TRHDE: variants seen among roughly 807,000 people sequenced by gnomAD.
TRHDE encodes the protein thyrotropin releasing hormone degrading enzyme, also known as thyrotropin-releasing hormone-degrading ectoenzyme.
Under a neutral mutation model 125.7 loss-of-function variants are expected in TRHDE, and 72 were observed. The ratio of observed to expected loss-of-function variants is 0.57; its 90% CI spans 0.47 to 0.70. The LOEUF (loss-of-function observed/expected upper bound fraction) is 0.70. Ranked by LOEUF, TRHDE falls within the 30% of genes least tolerant of loss-of-function variation. TRHDE has a pLI of 0.00. For missense variants in TRHDE, 1,110 were observed against 1,327.1 expected (o/e 0.84, Z 2.54); for synonymous variants, 509 against 509.1 (o/e 1.00, Z 0.00).
chr12:72,261,336 A>G (rs7135786), intron 2 of TRHDE, among the ~76,000 whole-genome samples: 68,288 of 152,070 alleles, frequency 0.45, 18,900 homozygotes, highest in African/African-American at 0.8. Context: ...GTAAATGAAC[A>G]TTATTCAGCT....
intron 6 of TRHDE, among the ~76,000 whole-genome samples, chr12:72,505,039 A>T (rs1592495953): frequency 6.6e-6 from 1 of 152,186 alleles, no homozygotes; most frequent in African/African-American, 2.4e-5. Context: ...TTATAAAGAA[A>T]TGTATTATAA....
chr12:72,570,417 C>G (rs1159010985), intron 10 of TRHDE, among the ~76,000 whole-genome samples: 1 of 151,778 alleles, frequency 6.6e-6, no homozygotes, highest in African/African-American at 2.4e-5. Flanking sequence ...TCCATCTCTA[C>G]TAAAAATACA....
intron 3 of TRHDE, among the ~76,000 whole-genome samples, chr12:72,444,236 A>G (rs1050173923): frequency 1.3e-5 from 2 of 151,842 alleles, no homozygotes; most frequent in Admixed American, 6.6e-5. Context: ...TTATAAATGT[A>G]GACTCTAGGA....
At chr12:72,486,726 A>G (rs1026773044) in intron 5 of TRHDE, among the ~76,000 whole-genome samples, 3 of 152,198 alleles carry the variant, frequency 2.0e-5, no homozygotes, top group Admixed American at 6.5e-5. Flanking sequence ...ATGCAAACAT[A>G]CATGCAGGGA....
intron 2 of TRHDE, among the ~76,000 whole-genome samples, chr12:72,212,627 C>T (rs1448348899): frequency 2.0e-5 from 3 of 152,032 alleles, no homozygotes; most frequent in Non-Finnish European, 4.4e-5. Flanking sequence ...AATTAAACTA[C>T]AATGAGATAC....
intron 2 of TRHDE, among the ~76,000 whole-genome samples, chr12:72,192,861 T>C (rs1270353454): frequency 6.6e-6 from 1 of 152,102 alleles, no homozygotes; most frequent in Admixed American, 6.6e-5. Context: ...TTGTAATTTT[T>C]ATTGGAGTAA....
chr12:72,593,653 T>C (rs549546504), intron 12 of TRHDE, among the ~76,000 whole-genome samples: 1 of 152,254 alleles, frequency 6.6e-6, no homozygotes, highest in African/African-American at 2.4e-5. Flanking sequence ...CTCCTAATGC[T>C]ATCCCTCCCC....
intron 14 of TRHDE, 141 bp downstream of exon 14, chr12:72,621,346 T>G: frequency 1.6e-6 from 1 of 642,266 alleles, no homozygotes; most frequent in Non-Finnish European, 2.7e-6. Flanking sequence ...AGAGGACTGC[T>G]GCTGGGTAGC....
Position 72,221,931 on chromosome 12 carries a change from G to T in TRHDE, n.279+116179G>T, listed in dbSNP as rs74103638. The stretch of plus-strand genomic sequence containing the variant: ...TGAAATGATGGTTTGGAGCAACTGG[G>T]TTCTGGACCAGCATCTCTCTGTGTA... On this transcript the variant is annotated intron_variant and non_coding_transcript_variant, in intron 2 of 4. Coordinates refer to the TRHDE transcript ENST00000548156. Among the ~76,000 whole-genome samples the T allele has an allele frequency of 4.8e-3, 726 of 152,164 alleles. 5 individuals are homozygous for T. Among genetic ancestry groups the T allele is most frequent in the African/African-American group, 0.016 (662 of 41,514 alleles).
chr12:72,244,369 G>A (rs191114328), intron 2 of TRHDE, among the ~76,000 whole-genome samples: 5 of 152,224 alleles, frequency 3.3e-5, no homozygotes, highest in Non-Finnish European at 5.9e-5. Context: ...CTGTTTGTAA[G>A]TTCAGCTCCT....
intron 2 of TRHDE, among the ~76,000 whole-genome samples, chr12:72,307,330 ATTTTTTTT>A: frequency 7.3e-6 from 1 of 137,138 alleles, no homozygotes; most frequent in South Asian, 2.3e-4. Context: ...ATACCCAGCT[ATTTTTTTT>A]TTTTTTTTTG....
At chr12:72,294,739 C>A (rs2139439110) in intron 2 of TRHDE, among the ~76,000 whole-genome samples, 1 of 152,232 alleles carries the variant, frequency 6.6e-6, no homozygotes, top group African/African-American at 2.4e-5. Context: ...CCTCCTGCTG[C>A]CTGTTCATGG....
At chr12:72,485,640 C>A (rs1232512164) in intron 5 of TRHDE, among the ~76,000 whole-genome samples, 1 of 152,134 alleles carries the variant, frequency 6.6e-6, no homozygotes, top group Non-Finnish European at 1.5e-5. Context: ...CTCAGGAATA[C>A]AAGCGCAGTT....
intron 18 of TRHDE, among the ~76,000 whole-genome samples, chr12:72,660,094 G>C (rs954137733): frequency 2.6e-5 from 4 of 152,154 alleles, no homozygotes; most frequent in African/African-American, 9.6e-5. Flanking sequence ...CAAGTCACAT[G>C]ATCATGGGAC....
chr12:72,501,232 G>A (rs888913498), intron 6 of TRHDE, among the ~76,000 whole-genome samples: 5 of 152,000 alleles, frequency 3.3e-5, no homozygotes, highest in African/African-American at 1.2e-4. Flanking sequence ...CTGGTACAAT[G>A]TTAAATAGAA....
intron 2 of TRHDE, among the ~76,000 whole-genome samples, chr12:72,328,434 C>T (rs2135717122): frequency 6.6e-6 from 1 of 151,840 alleles, no homozygotes; most frequent in South Asian, 2.1e-4. Flanking sequence ...TTTTAAAATG[C>T]TTGTGCATAA....
intron 2 of TRHDE, among the ~76,000 whole-genome samples, chr12:72,296,490 T>C (rs1395641299): frequency 6.6e-6 from 1 of 152,052 alleles, no homozygotes; most frequent in East Asian, 1.9e-4. Context: ...CTGTTCTCCA[T>C]TAGGAAAGCA....
intron 8 of TRHDE, among the ~76,000 whole-genome samples, 172 bp downstream of exon 8, chr12:72,562,402 TA>T (rs1182747053): frequency 1.3e-5 from 2 of 151,970 alleles, no homozygotes; most frequent in Non-Finnish European, 2.9e-5. Flanking sequence ...TAAAGGGGTT[TA>T]AAACTAAACT....
At chr12:72,560,228 C>T (rs1161181770) in intron 7 of TRHDE, among the ~76,000 whole-genome samples, 1 of 152,164 alleles carries the variant, frequency 6.6e-6, no homozygotes, top group African/African-American at 2.4e-5. Flanking sequence ...AATACAGAGA[C>T]AGGCAAGTTG....
Sources: allele counts gnomAD v4.1 joint callset (sites outside exome capture counted in the v4.1 genomes callset), GRCh38; gene constraint gnomAD v4.1.1; transcripts MANE v1.5; gene names NCBI Gene and HGNC (gene_info 2026-07-23, HGNC 2026-07-21).